SPRED2: variants seen among roughly 807,000 people sequenced by gnomAD.
SPRED2 encodes the protein sprouty related EVH1 domain containing 2, also known as sprouty-related, EVH1 domain-containing protein 2.
SPRED2 carries 47 observed loss-of-function variants against 43.0 expected under a neutral mutation model. The observed-to-expected ratio is 1.09, with a 90% CI of 0.87 to 1.40. The LOEUF (loss-of-function observed/expected upper bound fraction) is 1.40. Ranked by LOEUF, SPRED2 falls within the 40% of genes most tolerant of loss-of-function variation. SPRED2 has a pLI of 0.00. For missense variants in SPRED2, 561 were observed against 586.4 expected (o/e 0.96, Z 0.45); for synonymous variants, 225 against 225.7 (o/e 1.00, Z 0.03).
chr2:65,390,534 G>A (rs1489545779), intron 1 of SPRED2, among the ~76,000 whole-genome samples: 1 of 152,138 alleles, frequency 6.6e-6, no homozygotes, highest in East Asian at 1.9e-4. Flanking sequence ...CCCAGACTCT[G>A]GATCCGAACT....
At position 65,394,264 on chromosome 2, in the gene SPRED2, G is replaced by C. The variant is rs72896574; in HGVS notation, c.26+37698C>G. Among the ~76,000 whole-genome samples the C allele has an allele frequency of 2.4e-3, 360 of 152,288 alleles. 4 individuals carry two copies. The highest frequency in any genetic ancestry group is 8.5e-3 in the African/African-American group (352 of 41,552). ...ATGCAATTACACATCATTTGGTTTAGGAAGATGATGCCACAGATGCATCCT... is the reference window on the plus strand; with the variant it reads ...ATGCAATTACACATCATTTGGTTTACGAAGATGATGCCACAGATGCATCCT... On this transcript the variant is annotated intron_variant, in intron 1 of 5. Transcript: ENST00000356388.
chr2:65,410,989 C>T (rs551834329), intron 1 of SPRED2, among the ~76,000 whole-genome samples: 2 of 152,160 alleles, frequency 1.3e-5, no homozygotes, highest in Admixed American at 6.5e-5. Context: ...ACTGTTTGTT[C>T]GAGGTGCCTT....
At chr2:65,307,860 C>T (rs1289404357), downstream of SPRED2, among the ~76,000 whole-genome samples, 1 of 152,054 alleles carries the variant, frequency 6.6e-6, no homozygotes, top group African/African-American at 2.4e-5. Flanking sequence ...TTCTAACCAT[C>T]TCACCCCACG....
At chr2:65,338,967 A>G (rs1321327093) in intron 2 of SPRED2, among the ~76,000 whole-genome samples, 15 of 141,138 alleles carry the variant, frequency 1.1e-4, no homozygotes, top group South Asian at 2.3e-4. Context: ...CCGGGAGGTG[A>G]GGGGCGCCTC....
At chr2:65,339,077 G>A (rs57368574) in intron 2 of SPRED2, among the ~76,000 whole-genome samples, 5,245 of 110,208 alleles carry the variant, frequency 0.048, 140 homozygotes, top group South Asian at 0.097. Flanking sequence ...CGGGCCAGCC[G>A]CTCCGTCCGG....
intron 1 of SPRED2, among the ~76,000 whole-genome samples, chr2:65,383,145 G>A (rs1197638190): frequency 1.3e-5 from 2 of 152,234 alleles, no homozygotes; most frequent in Non-Finnish European, 2.9e-5. Context: ...AGCACAAAAA[G>A]TAGGAGAGCA....
intron 1 of SPRED2, among the ~76,000 whole-genome samples, chr2:65,347,183 G>C (rs1674375061): frequency 6.6e-6 from 1 of 151,744 alleles, no homozygotes; most frequent in South Asian, 2.1e-4. Flanking sequence ...GACCACTTTT[G>C]CCCTCCCCCA....
intron 1 of SPRED2, among the ~76,000 whole-genome samples, chr2:65,431,308 A>G (rs2103829524): frequency 6.6e-6 from 1 of 151,296 alleles, no homozygotes; most frequent in African/African-American, 2.4e-5. Context: ...ACCCCGCAGG[A>G]CGCGTGTGCC....
At chr2:65,426,696 G>T (rs753897758) in intron 1 of SPRED2, among the ~76,000 whole-genome samples, 1 of 152,126 alleles carries the variant, frequency 6.6e-6, no homozygotes, top group Admixed American at 6.6e-5. Context: ...GATGGCTGGG[G>T]GCATGAGCAG....
chr2:65,317,561 A>C (rs13406821), intron 4 of SPRED2, among the ~76,000 whole-genome samples: 1,356 of 96,048 alleles, frequency 0.014, 18 homozygotes, highest in African/African-American at 0.046. Context: ...ACAACAACAA[A>C]AACAAAACAT....
At chr2:65,335,996 A>T (rs1367454595) in intron 2 of SPRED2, among the ~76,000 whole-genome samples, 1 of 152,224 alleles carries the variant, frequency 6.6e-6, no homozygotes, top group Non-Finnish European at 1.5e-5. Context: ...AGACCTGCCT[A>T]AATTAGTATA....
At chr2:65,366,452 A>G (rs1674980814) in intron 1 of SPRED2, 1 of 837,696 alleles carries the variant, frequency 1.2e-6, no homozygotes, top group East Asian at 2.8e-5. Context: ...ACACACAAAT[A>G]CAAACACATA....
chr2:65,415,327 G>A (rs1329621899), intron 1 of SPRED2, among the ~76,000 whole-genome samples: 6 of 152,154 alleles, frequency 3.9e-5, no homozygotes, highest in Admixed American at 3.9e-4. Context: ...CCTGGCATCA[G>A]TCTTTGTTAG....
chr2:65,418,258 C>T (rs760674422), intron 1 of SPRED2, among the ~76,000 whole-genome samples: 1 of 152,208 alleles, frequency 6.6e-6, no homozygotes, highest in Non-Finnish European at 1.5e-5. Flanking sequence ...AGTCCAAATA[C>T]GTGCTTTGTC....
intron 2 of SPRED2, among the ~76,000 whole-genome samples, chr2:65,338,918 G>C (rs1322415439): frequency 2.0e-5 from 3 of 148,746 alleles, no homozygotes; most frequent in South Asian, 2.1e-4. Flanking sequence ...GCAGCCCATC[G>C]TCTGAGATGT....
intron 1 of SPRED2, among the ~76,000 whole-genome samples, chr2:65,357,736 A>T (rs573399071): frequency 6.6e-6 from 1 of 152,308 alleles, no homozygotes; most frequent in Admixed American, 6.5e-5. Context: ...GGGTGATCCT[A>T]CTCATCCTGC....
chr2:65,315,860 G>A (rs778385255), intron 5 of SPRED2, among the ~76,000 whole-genome samples: 28 of 152,112 alleles, frequency 1.8e-4, no homozygotes, highest in African/African-American at 3.1e-4. Flanking sequence ...GGGTTTCACC[G>A]TGTTAACCAG....
intron 2 of SPRED2, among the ~76,000 whole-genome samples, chr2:65,336,112 T>G (rs1330764290): frequency 6.6e-6 from 1 of 152,160 alleles, no homozygotes; most frequent in Non-Finnish European, 1.5e-5. Context: ...CCCAGCACTT[T>G]TGGGGGCTGA....
At chr2:65,343,406 T>C (rs536127660) in intron 2 of SPRED2, among the ~76,000 whole-genome samples, 2 of 152,236 alleles carry the variant, frequency 1.3e-5, no homozygotes, top group Admixed American at 6.5e-5. Flanking sequence ...CATTTACAAA[T>C]TGTTCTGTCT....
Sources: gnomAD v4.1 joint callset for allele counts (sites outside exome capture counted in the v4.1 genomes callset) on GRCh38, gnomAD v4.1.1 for gene constraint, MANE v1.5 for transcripts, NCBI Gene and HGNC (gene_info 2026-07-23, HGNC 2026-07-21) for gene names.